The following PEBP4 variants were observed in gnomAD, a reference collection of about 807,000 sequenced individuals.
The protein encoded by PEBP4 is phosphatidylethanolamine-binding protein 4.
PEBP4 carries 22 observed loss-of-function variants against 23.9 expected under a neutral mutation model. The ratio of observed to expected loss-of-function variants is 0.92; its 90% CI spans 0.66 to 1.31. The LOEUF is 1.31. Ranked by LOEUF, PEBP4 falls within the 40% of genes most tolerant of loss-of-function variation. The pLI, the probability that PEBP4 is intolerant of heterozygous loss-of-function variation, is 0.00. For missense variants in PEBP4, 324 were observed against 281.7 expected (o/e 1.15, Z -1.07); for synonymous variants, 112 against 99.3 (o/e 1.13, Z -0.76).
At chr8:22,925,379 T>A in intron 2 of PEBP4, 1 of 954,170 alleles carries the variant, frequency 1.0e-6, no homozygotes, top group Non-Finnish European at 1.2e-6. Context: ...AGAGCGTGAG[T>A]GTGGAGTCAG....
intron 4 of PEBP4, among the ~76,000 whole-genome samples, chr8:22,810,699 TGTGTGTGTGTGTGTGAGA>T (rs1421458754): frequency 3.4e-5 from 5 of 145,920 alleles, no homozygotes; most frequent in African/African-American, 1.3e-4. Context: ...TGTGTGTGTG[TGTGTGTGTGTGTGTGAGA>T]GAGAGAGAGA....
At chr8:22,834,214 G>A (rs550641276) in intron 3 of PEBP4, among the ~76,000 whole-genome samples, 2 of 152,362 alleles carry the variant, frequency 1.3e-5, no homozygotes, top group South Asian at 2.1e-4. Context: ...GGCTGGTTGT[G>A]TTTGAGCCTC....
chr8:22,759,887 T>G (rs1805472902), intron 4 of PEBP4, among the ~76,000 whole-genome samples: 1 of 152,176 alleles, frequency 6.6e-6, no homozygotes, highest in South Asian at 2.1e-4. Flanking sequence ...TTTGCTCATT[T>G]CTGCACATGC....
Position 22,721,028 on chromosome 8 carries a change from G to A in PEBP4, c.517+3815C>T, listed in dbSNP as rs1330242509. On this transcript the variant is annotated intron_variant, in intron 6 of 6. Coordinates refer to ENST00000256404, the MANE Select transcript of PEBP4 (RefSeq NM_144962.3). The stretch of plus-strand genomic sequence containing the variant: ...AAAGGTAGGAGGAGTGGGGTGGCAC[G>A]GCAGGGTTTCATCAGCTAGAAGTGG... 2.0e-5 allele frequency among the ~76,000 whole-genome samples: 3 copies of A among 152,086 alleles called. No homozygotes were observed. The South Asian group carries it at 6.2e-4, about 32-fold the overall frequency.
chr8:22,809,068 G>A (rs1178864096), intron 4 of PEBP4, among the ~76,000 whole-genome samples: 2 of 152,130 alleles, frequency 1.3e-5, no homozygotes, highest in African/African-American at 4.8e-5. Flanking sequence ...TCGAAGGCTC[G>A]ACTTTCTAAG....
Position 22,839,034 on chromosome 8 carries a change from T to C in PEBP4, c.259-21299A>G, listed in dbSNP as rs528375499. Among the ~76,000 whole-genome samples the C allele has an allele frequency of 2.2e-4, 33 of 152,224 alleles. No individual in the cohort carries two copies. The South Asian group carries it at 4.1e-3, about 19-fold the overall frequency. The stretch of plus-strand genomic sequence containing the variant: ...TACAGGCAAGCTCTGGGGAAGAGGA[T>C]AGTGCTTTTATGAGAAAAAAAAAGT... On this transcript the variant is annotated intron_variant, in intron 3 of 6. Coordinates refer to ENST00000256404, the MANE Select transcript of PEBP4 (RefSeq NM_144962.3).
intron 3 of PEBP4, among the ~76,000 whole-genome samples, chr8:22,876,600 T>A (rs1808126404): frequency 6.6e-6 from 1 of 152,220 alleles, no homozygotes; most frequent in Non-Finnish European, 1.5e-5. Flanking sequence ...TGTCTCTACC[T>A]CAACTTGCAG....
At chr8:22,838,991 T>C (rs1369133368) in intron 3 of PEBP4, among the ~76,000 whole-genome samples, 1 of 152,174 alleles carries the variant, frequency 6.6e-6, no homozygotes, top group East Asian at 1.9e-4. Context: ...ATTGCAGTTG[T>C]ACAGACCATG....
chr8:22,890,018 T>C (rs1001028274), intron 3 of PEBP4, among the ~76,000 whole-genome samples: 2 of 152,206 alleles, frequency 1.3e-5, no homozygotes, highest in African/African-American at 4.8e-5. Context: ...CCACCAGATG[T>C]TACCTGGAAG....
At chr8:22,832,556 G>C (rs919076513) in intron 3 of PEBP4, among the ~76,000 whole-genome samples, 3 of 152,164 alleles carry the variant, frequency 2.0e-5, no homozygotes, top group African/African-American at 4.8e-5. Flanking sequence ...AGGGAGAGGG[G>C]CTTTCCTGAC....
chr8:22,722,201 G>A (rs1039926673), intron 6 of PEBP4, among the ~76,000 whole-genome samples: 4 of 151,406 alleles, frequency 2.6e-5, no homozygotes, highest in African/African-American at 9.7e-5. Context: ...AAAATCTATG[G>A]TTTCTCCAAC....
intron 3 of PEBP4, among the ~76,000 whole-genome samples, chr8:22,894,117 T>A (rs1376053468): frequency 6.6e-6 from 1 of 152,144 alleles, no homozygotes; most frequent in African/African-American, 2.4e-5. Flanking sequence ...GATTATCAAG[T>A]GTGATTACCT....
chr8:22,880,221 A>G (rs941246837), intron 3 of PEBP4, among the ~76,000 whole-genome samples: 2 of 152,204 alleles, frequency 1.3e-5, no homozygotes, highest in Non-Finnish European at 2.9e-5. Flanking sequence ...AAGGCGAGAC[A>G]GCAGCCCTGA....
intron 4 of PEBP4, among the ~76,000 whole-genome samples, chr8:22,743,341 G>A (rs552023447): frequency 6.6e-6 from 1 of 152,324 alleles, no homozygotes; most frequent in African/African-American, 2.4e-5. Context: ...ATAAAGAAGG[G>A]GCCTGAGCTC....
At chr8:22,881,556 C>G (rs1480154442) in intron 3 of PEBP4, among the ~76,000 whole-genome samples, 1 of 152,212 alleles carries the variant, frequency 6.6e-6, no homozygotes, top group African/African-American at 2.4e-5. Flanking sequence ...CTAATAGACA[C>G]AAAATACTTG....
intron 4 of PEBP4, chr8:22,754,989 G>C (rs746935420): frequency 6.6e-6 from 1 of 152,228 alleles, no homozygotes; most frequent in South Asian, 2.1e-4. Flanking sequence ...TATGGCCCTT[G>C]GTGGTTATTA....
chr8:22,716,800 G>A (rs187170369), intron 6 of PEBP4, among the ~76,000 whole-genome samples: 1 of 152,354 alleles, frequency 6.6e-6, no homozygotes, highest in Admixed American at 6.5e-5. Context: ...CCTGCCAGAA[G>A]TGCAAGCTCT....
intron 3 of PEBP4, among the ~76,000 whole-genome samples, chr8:22,827,404 G>A (rs1253279786): frequency 2.6e-5 from 4 of 152,036 alleles, no homozygotes; most frequent in Non-Finnish European, 5.9e-5. Context: ...TATTCCCCCC[G>A]CCAGTTCCAA....
chr8:22,932,662 G>A (rs1304796548), upstream of PEBP4, among the ~76,000 whole-genome samples: 2 of 151,528 alleles, frequency 1.3e-5, no homozygotes, highest in Admixed American at 6.6e-5. Context: ...CACCCTGGGT[G>A]AGAGAAGGAG....
Sources: allele counts gnomAD v4.1 joint callset (sites outside exome capture counted in the v4.1 genomes callset), GRCh38; gene constraint gnomAD v4.1.1; transcripts MANE v1.5; gene names NCBI Gene and HGNC (gene_info 2026-07-23, HGNC 2026-07-21).